Variants in ATXN10 observed in about 807,000 individuals in gnomAD.
ATXN10 encodes the protein ataxin 10, also known as ataxin-10.
In ATXN10, 28 loss-of-function variants were observed where a neutral mutation model predicts 52.9. The ratio of observed to expected loss-of-function variants is 0.53; its 90% CI spans 0.39 to 0.73. ATXN10 has a LOEUF of 0.73. ATXN10 is among the 30% of genes least tolerant of loss of function. ATXN10 has a pLI of 0.00. For missense variants in ATXN10, 565 were observed against 577.0 expected (o/e 0.98, Z 0.21); for synonymous variants, 226 against 221.5 (o/e 1.02, Z -0.18).
chr22:45,801,183 TAG>T (rs1247990350), intron 9 of ATXN10, among the ~76,000 whole-genome samples: 2 of 152,208 alleles, frequency 1.3e-5, no homozygotes, highest in Non-Finnish European at 2.9e-5. Flanking sequence ...GGCTGTATGT[TAG>T]AGTCACCTGG....
chr22:45,680,513 T>G (rs935795397), intron 1 of ATXN10, among the ~76,000 whole-genome samples: 1 of 152,190 alleles, frequency 6.6e-6, no homozygotes, highest in Non-Finnish European at 1.5e-5. Context: ...TCTCTTACTC[T>G]CTGAACTGTC....
intron 9 of ATXN10, chr22:45,793,017 C>T: frequency 3.4e-6 from 1 of 293,290 alleles, no homozygotes; most frequent in Admixed American, 3.5e-5. Flanking sequence ...CCTAATAGCC[C>T]AGCCAGGCCT....
In ATXN10 at chr22:45,769,205, C is replaced by T. The variant is rs970361698; in HGVS notation, c.1173+28667C>T. ...TGTTGTTGACCCGAGGTTGAGAGCTCTTGGTGGGTAGGGGACTCATCATGG... is the reference window on the plus strand; with the variant it reads ...TGTTGTTGACCCGAGGTTGAGAGCTTTTGGTGGGTAGGGGACTCATCATGG... On this transcript the variant is annotated intron_variant, in intron 9 of 11. Transcript: ENST00000252934. The surrounding 1 kb of genome is among the most constrained non-coding windows in gnomAD (Gnocchi z 4.2). Among the ~76,000 whole-genome samples the T allele has an allele frequency of 6.6e-6, 1 of 151,898 alleles. No individual in the cohort carries two copies. Among genetic ancestry groups the T allele is most frequent in the Admixed American group, 6.6e-5 (1 of 15,246 alleles).
chr22:45,784,001 C>T lies in ATXN10; in HGVS notation c.1174-22958C>T, dbSNP rs1169976330. The stretch of plus-strand genomic sequence containing the variant: ...ATTTGTCCCTGACTGCTTTGCAGGC[C>T]GTCCCCTGTCCTACAGCAGGCCAGG... On this transcript the variant is annotated intron_variant, in intron 9 of 11. Transcript: ENST00000252934. The surrounding 1 kb of genome is among the most constrained non-coding windows in gnomAD (Gnocchi z 4.2). Among the ~76,000 whole-genome samples, 2 of 152,016 alleles carry T rather than the reference C, an allele frequency of 1.3e-5. No individual in the cohort carries two copies. Among genetic ancestry groups the T allele is most frequent in the African/African-American group, 4.8e-5 (2 of 41,414 alleles).
At chr22:45,832,020 C>T (rs189108951) in intron 10 of ATXN10, among the ~76,000 whole-genome samples, 115 of 152,318 alleles carry the variant, frequency 7.5e-4, no homozygotes, top group African/African-American at 2.5e-3. Flanking sequence ...GTAAATTGCC[C>T]AAAGCCGTGC....
chr22:45,831,471 A>C (rs1928990818), intron 10 of ATXN10, among the ~76,000 whole-genome samples: 1 of 152,188 alleles, frequency 6.6e-6, no homozygotes, highest in African/African-American at 2.4e-5. Context: ...TGAGCACAAA[A>C]TAGTTTTCTA....
At chr22:45,704,704 A>G (rs1222237685) in intron 5 of ATXN10, among the ~76,000 whole-genome samples, 2 of 152,140 alleles carry the variant, frequency 1.3e-5, no homozygotes, top group Non-Finnish European at 1.5e-5. Flanking sequence ...TTTTTTCTGT[A>G]CAGGACCGTG....
chr22:45,695,387 C>T (rs1230405646), intron 3 of ATXN10, among the ~76,000 whole-genome samples: 1 of 151,622 alleles, frequency 6.6e-6, no homozygotes, highest in Non-Finnish European at 1.5e-5. Context: ...ATGAATATAA[C>T]CTTTAAATGA....
rs1012142440 is a variant in ATXN10 at position 45,688,874 on chromosome 22, G to A, written c.117-838G>A. Among the ~76,000 whole-genome samples the A allele has an allele frequency of 6.6e-6, 1 of 152,194 alleles. No individual in the cohort carries two copies. The highest frequency in any genetic ancestry group is 1.5e-5 in the Non-Finnish European group (1 of 68,018). On this transcript the variant is annotated intron_variant, in intron 1 of 11. Transcript: ENST00000252934. The surrounding 1 kb of genome is among the most constrained non-coding windows in gnomAD (Gnocchi z 4.0). ...TTGCTGTTTCTTTAGGGGATTTATG[G>A]AATGAGGAAGTTGGCTTGCATTTAG...
In ATXN10 at chr22:45,681,168, T is replaced by C. The variant is rs1362064893; in HGVS notation, c.117-8544T>C. The stretch of plus-strand genomic sequence containing the variant: ...TAGCCCTGGCTCACTTTTCACTCTA[T>C]TTCTTCTCCTGTCTTAAATCTTCGT... On this transcript the variant is annotated intron_variant, in intron 1 of 11. Coordinates refer to ENST00000252934, the MANE Select transcript of ATXN10 (RefSeq NM_013236.4). The surrounding 1 kb of genome is among the most constrained non-coding windows in gnomAD (Gnocchi z 4.2). 2.0e-5 allele frequency among the ~76,000 whole-genome samples: 3 copies of C among 152,210 alleles called. No individual in the cohort carries two copies. Among genetic ancestry groups the C allele is most frequent in the Admixed American group, 2.0e-4 (3 of 15,284 alleles).
At position 45,769,191 on chromosome 22, in the gene ATXN10, C is replaced by T. The variant is rs1004361080; in HGVS notation, c.1173+28653C>T. ...TAAAGAGTTGTTATTGTTGTTGACC[C>T]GAGGTTGAGAGCTCTTGGTGGGTAG... On this transcript the variant is annotated intron_variant, in intron 9 of 11. Coordinates refer to ENST00000252934, the MANE Select transcript of ATXN10 (RefSeq NM_013236.4). This position sits in a 1 kb window ranked among gnomAD's most constrained non-coding sequence, Gnocchi z 4.2. 3.3e-5 allele frequency among the ~76,000 whole-genome samples: 5 copies of T among 151,266 alleles called. No individual in the cohort carries two copies. Among genetic ancestry groups the T allele is most frequent in the African/African-American group, 4.9e-5 (2 of 41,138 alleles).
In ATXN10 at chr22:45,772,092, T is replaced by A. The variant is rs1410140250; in HGVS notation, c.1173+31554T>A. Among the ~76,000 whole-genome samples, 1 of 152,250 alleles carries A rather than the reference T, an allele frequency of 6.6e-6. No individual in the cohort carries two copies. The highest frequency in any genetic ancestry group is 1.5e-5 in the Non-Finnish European group (1 of 68,048). On this transcript the variant is annotated intron_variant, in intron 9 of 11. Coordinates refer to ENST00000252934, the MANE Select transcript of ATXN10 (RefSeq NM_013236.4). This position sits in a 1 kb window ranked among gnomAD's most constrained non-coding sequence, Gnocchi z 4.1. ...GTTAAAATTTTTGAAGTTCACTTTA[T>A]CAATTTTTTTCTTTTATGAATCATA...
In ATXN10 at chr22:45,805,054, T is replaced by G. The variant is rs1928054509; in HGVS notation, c.1174-1905T>G. The stretch of plus-strand genomic sequence containing the variant: ...AGTCTACTGTGTTTGTACCGTAGTT[T>G]ATGTAAGCAACCCCCATTCGTGGAG... On this transcript the variant is annotated intron_variant, in intron 9 of 11. Transcript: ENST00000252934. This position sits in a 1 kb window ranked among gnomAD's most constrained non-coding sequence, Gnocchi z 4.4. Among the ~76,000 whole-genome samples, 1 of 152,224 alleles carries G rather than the reference T, an allele frequency of 6.6e-6. No homozygotes were observed. The highest frequency in any genetic ancestry group is 1.5e-5 in the Non-Finnish European group (1 of 68,038).
intron 6 of ATXN10, among the ~76,000 whole-genome samples, chr22:45,722,784 C>T (rs1017922734): frequency 6.6e-6 from 1 of 152,150 alleles, no homozygotes; most frequent in Non-Finnish European, 1.5e-5. Flanking sequence ...TTCCTGTCCT[C>T]ACCTCAGGAC....
At chr22:45,734,734 T>G (rs1569041846) in intron 7 of ATXN10, among the ~76,000 whole-genome samples, 1 of 151,778 alleles carries the variant, frequency 6.6e-6, no homozygotes, top group African/African-American at 2.4e-5. Context: ...ATTTATGTCT[T>G]TTGACTATCC....
In ATXN10 at chr22:45,681,560, A is replaced by G. The variant is rs948399925; in HGVS notation, c.117-8152A>G. ...GAGCATTTTTTAATGTACATCCTCAACTCCACTGCCTCCTCTCTAAACTTT... is the reference window on the plus strand; with the variant it reads ...GAGCATTTTTTAATGTACATCCTCAGCTCCACTGCCTCCTCTCTAAACTTT... On this transcript the variant is annotated intron_variant, in intron 1 of 11. Coordinates refer to ENST00000252934, the MANE Select transcript of ATXN10 (RefSeq NM_013236.4). The surrounding 1 kb of genome is among the most constrained non-coding windows in gnomAD (Gnocchi z 4.2). Among the ~76,000 whole-genome samples, 7 of 151,700 alleles carry G rather than the reference A, an allele frequency of 4.6e-5. No individual in the cohort carries two copies. The highest frequency in any genetic ancestry group is 1.5e-4 in the African/African-American group (6 of 41,254).
At chr22:45,723,581 T>G (rs1228686080) in intron 6 of ATXN10, among the ~76,000 whole-genome samples, 1 of 152,188 alleles carries the variant, frequency 6.6e-6, no homozygotes, top group African/African-American at 2.4e-5. Flanking sequence ...TGTGTGCCTT[T>G]GGGTACCCAT....
At chr22:45,685,550 C>T (rs1361492824) in intron 1 of ATXN10, among the ~76,000 whole-genome samples, 2 of 152,136 alleles carry the variant, frequency 1.3e-5, no homozygotes, top group African/African-American at 4.8e-5. Context: ...TTTACTATTT[C>T]ATTGTCGTTA....
At chr22:45,707,855 C>T (rs954780813) in intron 5 of ATXN10, among the ~76,000 whole-genome samples, 23 of 151,910 alleles carry the variant, frequency 1.5e-4, no homozygotes, top group East Asian at 7.7e-4. Context: ...AGGCTTCTGA[C>T]GAAATTGTTG....
Sources: gnomAD v4.1 joint callset for allele counts (sites outside exome capture counted in the v4.1 genomes callset) on GRCh38, gnomAD v4.1.1 for gene constraint, Gnocchi (gnomAD v3.1) non-coding constraint, MANE v1.5 for transcripts, NCBI Gene and HGNC (gene_info 2026-07-23, HGNC 2026-07-21) for gene names.